Variants in VEPH1 observed in about 807,000 individuals in gnomAD.
VEPH1 encodes the protein ventricular zone-expressed PH domain-containing protein homolog 1.
In VEPH1, 80 loss-of-function variants were observed where a neutral mutation model predicts 85.2. The observed-to-expected ratio is 0.94, with a 90% CI of 0.78 to 1.13. The LOEUF is 1.13. Among genes scored for constraint, VEPH1 ranks in the 50% most tolerant of loss-of-function variants. VEPH1 has a pLI of 0.00. For missense variants in VEPH1, 955 were observed against 980.5 expected, an observed-to-expected ratio of 0.97 and a Z score of 0.35; for synonymous variants, 297 against 348.0, an observed-to-expected ratio of 0.85 and a Z score of 1.63.
intron 6 of VEPH1, among the ~76,000 whole-genome samples, chr3:157,394,210 T>C (rs1730155882): frequency 6.6e-6 from 1 of 152,236 alleles, no homozygotes; most frequent in African/African-American, 2.4e-5. Flanking sequence ...AGATTTTCTT[T>C]GGATAAACAT....
At chr3:157,281,134 G>GAA (rs1453442142) in intron 12 of VEPH1, among the ~76,000 whole-genome samples, 1 of 151,524 alleles carries the variant, frequency 6.6e-6, no homozygotes, top group Non-Finnish European at 1.5e-5. Context: ...GAAAGACAGA[G>GAA]AGAGAAAGAG....
chr3:157,460,151 A>T, intron 4 of VEPH1, 30 bp downstream of exon 4: 1 of 1,614,154 alleles, frequency 6.2e-7, no homozygotes, highest in Non-Finnish European at 8.5e-7. Flanking sequence ...CTCCCAAAAC[A>T]TGTCCCCAAG....
At position 157,363,475 on chromosome 3, in the gene VEPH1, C is replaced by T; in HGVS notation, c.1624G>A (p.Glu542Lys). The change falls in exon 9 of 14, where the codon GAA becomes AAA. Residue 542 changes from glutamate to lysine, a missense_variant. Coordinates refer to ENST00000362010, the MANE Select transcript of VEPH1 (RefSeq NM_001167912.2). Reference sequence around the variant, plus strand: ...TGCAAGTAGAGCTTATCTTGGTATTCTATAGGACTTGCAGTTGTCTCTGGA... The same window carrying T: ...TGCAAGTAGAGCTTATCTTGGTATTTTATAGGACTTGCAGTTGTCTCTGGA... ...ETPETTASPI[E>K]YQDKLYLHLK... is the part of the protein sequence containing the mutation. 1 of 1,613,992 alleles carries T rather than the reference C, an allele frequency of 6.2e-7. No individual in the cohort carries two copies. Among genetic ancestry groups the T allele is most frequent in the Non-Finnish European group, 8.5e-7 (1 of 1,179,978 alleles).
intron 2 of VEPH1, among the ~76,000 whole-genome samples, chr3:157,486,209 C>G (rs1444460760): frequency 6.6e-6 from 1 of 151,966 alleles, no homozygotes; most frequent in Non-Finnish European, 1.5e-5. Context: ...TTTAAAGAGG[C>G]AGCATAGGCC....
intron 9 of VEPH1, among the ~76,000 whole-genome samples, chr3:157,320,737 A>G (rs1721261679): frequency 6.6e-6 from 1 of 152,170 alleles, no homozygotes. Flanking sequence ...ATTATACAAT[A>G]TAATGTGTTA....
intron 7 of VEPH1, among the ~76,000 whole-genome samples, chr3:157,368,240 C>T (rs1049843839): frequency 6.6e-6 from 1 of 152,172 alleles, no homozygotes; most frequent in African/African-American, 2.4e-5. Flanking sequence ...CCTTTCCGTG[C>T]CTGTGTCTCC....
intron 9 of VEPH1, 125 bp downstream of exon 9, chr3:157,363,239 T>C: frequency 4.1e-6 from 4 of 970,734 alleles, no homozygotes; most frequent in Non-Finnish European, 5.9e-6. Context: ...GTAAGGTATT[T>C]AAAAAAAATG....
At chr3:157,319,310 A>G (rs1037393608) in intron 9 of VEPH1, among the ~76,000 whole-genome samples, 1 of 152,200 alleles carries the variant, frequency 6.6e-6, no homozygotes, top group Non-Finnish European at 1.5e-5. Context: ...GGGCGAATGA[A>G]TCATGAGATG....
rs1734272095 is a variant in VEPH1 at position 157,443,138 on chromosome 3, A to C, written c.530-14650T>G. ...TATTTGTACTGGCCAAATACTGAATAAACAGTTGAAGGAAAGACATTGGAA... is the reference window on the plus strand; with the variant it reads ...TATTTGTACTGGCCAAATACTGAATCAACAGTTGAAGGAAAGACATTGGAA... On this transcript the variant is annotated intron_variant, in intron 4 of 13. Transcript: ENST00000362010. The C allele has an allele frequency of 1.2e-5, 10 of 824,862 alleles. No homozygotes were observed. The South Asian group carries it at 2.2e-4, about 18-fold the overall frequency. 51.1% of individuals were successfully genotyped at this position (824,862 alleles called of 1,614,324 possible).
At chr3:157,274,564 C>G (rs1715136465) in intron 12 of VEPH1, among the ~76,000 whole-genome samples, 1 of 152,166 alleles carries the variant, frequency 6.6e-6, no homozygotes, top group South Asian at 2.1e-4. Context: ...GTGGCTTGAT[C>G]ATAGCTTACT....
chr3:157,261,486 C>T, intron 13 of VEPH1, 116 bp from the exon 14 acceptor site: 1 of 1,488,196 alleles, frequency 6.7e-7, no homozygotes, highest in South Asian at 1.4e-5. Flanking sequence ...TGTCTCAAGA[C>T]CTTTGTTATT....
intron 6 of VEPH1, among the ~76,000 whole-genome samples, chr3:157,399,108 G>T (rs1360627380): frequency 6.6e-6 from 1 of 151,970 alleles, no homozygotes; most frequent in Non-Finnish European, 1.5e-5. Context: ...AAACATGAAT[G>T]CAGAAAGATT....
intron 4 of VEPH1, chr3:157,442,702 C>A (rs35415718): frequency 6.2e-7 from 1 of 1,614,140 alleles, no homozygotes; most frequent in East Asian, 2.2e-5. Context: ...GGTGAACTGG[C>A]GGCTACCACT....
chr3:157,478,069 T>C (rs13318762), intron 2 of VEPH1, among the ~76,000 whole-genome samples: 98,280 of 151,982 alleles, frequency 0.65, 32,397 homozygotes, highest in African/African-American at 0.77. Flanking sequence ...TTCTCTCAGC[T>C]GTTGGTTTGT....
chr3:157,398,995 T>C (rs937008013), intron 6 of VEPH1, among the ~76,000 whole-genome samples: 2 of 152,164 alleles, frequency 1.3e-5, no homozygotes, highest in African/African-American at 4.8e-5. Flanking sequence ...CCATCATAGA[T>C]TGTGAGACTT....
At chr3:157,362,138 C>T (rs552194520) in intron 9 of VEPH1, among the ~76,000 whole-genome samples, 1 of 152,080 alleles carries the variant, frequency 6.6e-6, no homozygotes, top group East Asian at 1.9e-4. Context: ...TCAAGCCATT[C>T]TCCTGCCTCA....
intron 11 of VEPH1, among the ~76,000 whole-genome samples, chr3:157,306,811 C>T (rs1420257049): frequency 6.6e-6 from 1 of 151,934 alleles, no homozygotes; most frequent in Non-Finnish European, 1.5e-5. Context: ...TTAGTGCACC[C>T]TTCATCTAAA....
At chr3:157,457,719 A>G (rs1220377081) in intron 4 of VEPH1, among the ~76,000 whole-genome samples, 4 of 152,218 alleles carry the variant, frequency 2.6e-5, no homozygotes, top group Non-Finnish European at 5.9e-5. Context: ...GATAAAGCCT[A>G]CTTGATCATG....
In VEPH1 at chr3:157,438,033, G is replaced by A. The variant is rs1283452665; in HGVS notation, c.530-9545C>T. On this transcript the variant is annotated intron_variant, in intron 4 of 13. Transcript: ENST00000362010. ...GCTTTCATGGGAAGCGCGCGCGCGC[G>A]CGCGCACACACACACACACACACAC... is the stretch of plus-strand genomic sequence containing the variant. 2,568 of 793,646 alleles carry A rather than the reference G, an allele frequency of 3.2e-3. 39 individuals carry two copies. The African/African-American group carries it at 0.044, about 14-fold the overall frequency. The allele number at this position is 793,646 out of a possible 1,614,324, so 49.2% of individuals were successfully genotyped here. A position where few individuals can be genotyped will look rare whatever the true frequency, so the allele number is the denominator to read the frequency against.
Sources: allele counts gnomAD v4.1 joint callset (sites outside exome capture counted in the v4.1 genomes callset), GRCh38; gene constraint gnomAD v4.1.1; transcripts MANE v1.5; gene names NCBI Gene and HGNC (gene_info 2026-07-23, HGNC 2026-07-21).